ENTR1: variants seen among roughly 807,000 people sequenced by gnomAD.
ENTR1 encodes the protein endosome associated trafficking regulator 1, also known as endosome-associated-trafficking regulator 1.
Under a neutral mutation model 47.9 loss-of-function variants are expected in ENTR1, and 47 were observed. That is an observed-to-expected ratio of 0.98 (90% CI 0.78 to 1.25). The LOEUF (loss-of-function observed/expected upper bound fraction) is 1.25. Among genes scored for constraint, ENTR1 ranks in the 50% most tolerant of loss-of-function variants. The pLI is 0.00. For synonymous variants in ENTR1, 290 were observed against 245.8 expected, an observed-to-expected ratio of 1.18 and a Z score of -1.68; for missense variants, 668 against 570.5, an observed-to-expected ratio of 1.17 and a Z score of -1.74.
At chr9:136,404,812 C>T in intron 7 of ENTR1, 119 bp from the exon 8 acceptor site, 5 of 947,576 alleles carry the variant, frequency 5.3e-6, no homozygotes, top group Admixed American at 4.2e-5. Flanking sequence ...CCCTTCACAG[C>T]CCCTGTGCCC....
rs1476919566 is a variant in ENTR1 at position 136,407,766 on chromosome 9, C to T, written c.402+60G>A. 4.9e-6 allele frequency: 7 copies of T among 1,428,660 alleles called. No homozygotes were observed. In the South Asian group the frequency reaches 5.8e-5, roughly 12 times the overall value. 88.5% of individuals were successfully genotyped at this position (1,428,660 alleles called of 1,614,324 possible). A position where few individuals can be genotyped will look rare whatever the true frequency, so the allele number is the denominator to read the frequency against. On this transcript the variant is annotated intron_variant, in intron 4 of 9. Coordinates refer to ENST00000357365, the MANE Select transcript of ENTR1 (RefSeq NM_001039707.2). ...TCATGCACGATTCCTCCAAAGGAGG[C>T]TGCAGAGGCCGGAACAGAAACGTCC... is the stretch of plus-strand genomic sequence containing the variant.
At chr9:136,404,004 CA>C in intron 9 of ENTR1, 50 bp downstream of exon 9, 1 of 1,537,152 alleles carries the variant, frequency 6.5e-7, no homozygotes, top group Non-Finnish European at 8.8e-7. Context: ...ACGACCACTC[CA>C]ATCTCACCCC....
rs1353086202 is a variant in ENTR1 at position 136,402,802 on chromosome 9, C to G, written c.1294G>C (p.Glu432Gln). Residue 432 changes from glutamate (E) to glutamine (Q), a missense_variant, in exon 10 of 10, where the codon GAG becomes CAG. Coordinates refer to ENST00000357365, the MANE Select transcript of ENTR1 (RefSeq NM_001039707.2). ...IDRISEVKDEEEDS is the reference protein window; with the variant it reads ...IDRISEVKDEQEDS ...CCCAGGGGTCCTCAAGAGTCTTCCT[C>G]CTCGTCTTTAACTTCAGAAATTCTG... 1 of 1,612,740 alleles carries G rather than the reference C, an allele frequency of 6.2e-7. No individual in the cohort carries two copies. The highest frequency in any genetic ancestry group is 1.3e-5 in the African/African-American group (1 of 74,958).
chr9:136,410,609 G>A lies in ENTR1; in HGVS notation c.-212C>T, dbSNP rs1316842474. On this transcript the variant is annotated 5_prime_UTR_variant, in exon 1 of 10. Transcript: ENST00000357365. Reference sequence around the variant, plus strand: ...CTGAACGCCTTGGGCCGTCGGCGAGGGGGAGGGGAAGCCGTGGGCGGAAGC... The same window carrying A: ...CTGAACGCCTTGGGCCGTCGGCGAGAGGGAGGGGAAGCCGTGGGCGGAAGC... 7.7e-6 allele frequency: 10 copies of A among 1,302,332 alleles called. No homozygotes were observed. In the South Asian group the frequency reaches 1.0e-4, roughly 13 times the overall value. 80.7% of individuals were successfully genotyped at this position (1,302,332 alleles called of 1,614,324 possible). A position where few individuals can be genotyped will look rare whatever the true frequency, so the allele number is the denominator to read the frequency against.
At chr9:136,404,795 G>T in intron 7 of ENTR1, 102 bp from the exon 8 acceptor site, 1 of 1,194,122 alleles carries the variant, frequency 8.4e-7, no homozygotes, top group Non-Finnish European at 1.2e-6. Context: ...ACCCAACCTG[G>T]CTGTGGCCCT....
In ENTR1 at chr9:136,402,890, G is replaced by C; in HGVS notation, c.1209-3C>G. On this transcript the variant is annotated splice_region_variant and splice_polypyrimidine_tract_variant and intron_variant, in intron 9 of 9. Transcript: ENST00000357365. ...TCTCAGCTCCGGAAACCAGTTGCCTGAAAACAAGCATGGATATCAGGATGG... is the reference window on the plus strand; with the variant it reads ...TCTCAGCTCCGGAAACCAGTTGCCTCAAAACAAGCATGGATATCAGGATGG... 6.5e-7 allele frequency: 1 copy of C among 1,532,672 alleles called. No homozygotes were observed. 94.9% of individuals were successfully genotyped at this position (1,532,672 alleles called of 1,614,324 possible).
chr9:136,406,998 G>A (rs1834795462), intron 5 of ENTR1, 147 bp downstream of exon 5: 1 of 762,184 alleles, frequency 1.3e-6, no homozygotes, highest in Non-Finnish European at 2.1e-6. Context: ...CAAAGTCAAA[G>A]GGAAAGTGGA....
intron 5 of ENTR1, among the ~76,000 whole-genome samples, chr9:136,406,702 G>A (rs13295777): frequency 0.24 from 34,854 of 143,598 alleles, 4,216 homozygotes; most frequent in Admixed American, 0.3. Flanking sequence ...GTCTCAAACT[G>A]CTGACCTCAG....
chr9:136,406,500 C>A (rs1834770057), intron 5 of ENTR1, among the ~76,000 whole-genome samples: 1 of 151,158 alleles, frequency 6.6e-6, no homozygotes, highest in Non-Finnish European at 1.5e-5. Context: ...TTTTTTGAAA[C>A]AGAGTTTCGC....
intron 5 of ENTR1, 127 bp downstream of exon 5, chr9:136,407,018 G>T: frequency 3.3e-6 from 3 of 895,814 alleles, no homozygotes; most frequent in Non-Finnish European, 3.4e-6. Context: ...ATAGCAGGCT[G>T]TCACGCAAAT....
chr9:136,409,826 A>G (rs946780803), intron 2 of ENTR1: 3 of 605,704 alleles, frequency 5.0e-6, no homozygotes. Flanking sequence ...CCCCGACTCC[A>G]GCCCCACGAG....
In ENTR1 at chr9:136,410,178, G is replaced by A. The variant is rs1290273780; in HGVS notation, c.132C>T (p.Gly44=). 5 of 1,609,124 alleles carry A rather than the reference G, an allele frequency of 3.1e-6. No homozygotes were observed. Among genetic ancestry groups the A allele is most frequent in the Non-Finnish European group, 3.4e-6 (4 of 1,178,554 alleles). ...CGAAGAAGGGGGAGTCCAGGTCCCT[G>A]CCATGGGGGCGCTCACAATTTAGCT... The part of the protein sequence containing the change: ...LPQLNCERPH[G]RDLDSPFFGI... The change falls in exon 2 of 10, where the codon GGC becomes GGT. Residue 44 remains glycine, a synonymous_variant. Coordinates refer to ENST00000357365, the MANE Select transcript of ENTR1 (RefSeq NM_001039707.2).
chr9:136,406,016 G>A, intron 5 of ENTR1, 38 bp from the exon 6 acceptor site: 2 of 1,524,570 alleles, frequency 1.3e-6, no homozygotes, highest in Non-Finnish European at 1.8e-6. Context: ...AAGTCAGCAT[G>A]TCTGGCTCAA....
intron 3 of ENTR1, 94 bp from the exon 4 acceptor site, chr9:136,408,032 T>C (rs1234805232): frequency 2.5e-6 from 2 of 792,306 alleles, no homozygotes; most frequent in East Asian, 2.5e-5. Context: ...CATGGCCACA[T>C]GTGAGATCGG....
chr9:136,405,847 C>G (rs1042671439), intron 6 of ENTR1, 58 bp downstream of exon 6: 2 of 1,064,832 alleles, frequency 1.9e-6, no homozygotes, highest in Non-Finnish European at 2.8e-6. Flanking sequence ...CATTTAAAAA[C>G]GGATTTCCCT....
Position 136,409,082 on chromosome 9 carries a change from T to C in ENTR1, c.221-15A>G, listed in dbSNP as rs1013136681. 2 of 1,613,308 alleles carry C rather than the reference T, an allele frequency of 1.2e-6. No homozygotes were observed. The highest frequency in any genetic ancestry group is 1.7e-6 in the Non-Finnish European group (2 of 1,179,454). ...ATAGCCAAAATCTGCAAAGAAACAA[T>C]GTCACCCACCATGCTGGCAGGAAGT... On this transcript the variant is annotated splice_polypyrimidine_tract_variant and intron_variant, in intron 2 of 9. Transcript: ENST00000357365.
intron 1 of ENTR1, 44 bp from the exon 2 acceptor site, chr9:136,410,283 C>T: frequency 6.4e-7 from 1 of 1,551,558 alleles, no homozygotes; most frequent in African/African-American, 1.4e-5. Context: ...GCCGGGGCGG[C>T]CGCCGCCCAC....
Position 136,404,119 on chromosome 9 carries a change from G to C in ENTR1, c.1144C>G (p.Gln382Glu), listed in dbSNP as rs1259334563. The C allele has an allele frequency of 6.2e-7, 1 of 1,613,428 alleles. No individual in the cohort carries two copies. The highest frequency in any genetic ancestry group is 8.5e-7 in the Non-Finnish European group (1 of 1,179,838). Reference sequence around the variant, plus strand: ...TTCTGCAGGGCCACGTCGGCGTTCTGCTTCACCACGGTCAGGCTGGCACCC... The same window carrying C: ...TTCTGCAGGGCCACGTCGGCGTTCTCCTTCACCACGGTCAGGCTGGCACCC... Reference protein sequence around the residue: ...GQGASLTVVKQNADVALQNLR... With the variant: ...GQGASLTVVKENADVALQNLR... Residue 382 changes from glutamine (Q) to glutamate (E), a missense_variant, in exon 9 of 10, where the codon CAG becomes GAG. Gln to Glu is a conservative substitution (Grantham distance 29, BLOSUM62 2). Transcript: ENST00000357365.
chr9:136,402,725 A>T lies in ENTR1; in HGVS notation c.*63T>A. On this transcript the variant is annotated 3_prime_UTR_variant, in exon 10 of 10. Coordinates refer to ENST00000357365, the MANE Select transcript of ENTR1 (RefSeq NM_001039707.2). Reference sequence around the variant, plus strand: ...TATTTAAGGACACAACTGCACATTTAGATCGAGCGGTGGTGACCTCAGGGT... The same window carrying T: ...TATTTAAGGACACAACTGCACATTTTGATCGAGCGGTGGTGACCTCAGGGT... The T allele has an allele frequency of 9.2e-7, 1 of 1,086,174 alleles. No homozygotes were observed. Among genetic ancestry groups the T allele is most frequent in the Non-Finnish European group, 1.4e-6 (1 of 707,544 alleles). The allele number at this position is 1,086,174 out of a possible 1,614,324, so 67.3% of individuals were successfully genotyped here.
Sources: allele counts gnomAD v4.1 joint callset (sites outside exome capture counted in the v4.1 genomes callset), GRCh38; gene constraint gnomAD v4.1.1; transcripts MANE v1.5; gene names NCBI Gene and HGNC (gene_info 2026-07-23, HGNC 2026-07-21).